Variants in ENTREP2 observed in about 807,000 individuals in gnomAD.
ENTREP2 encodes protein ENTREP2.
At chr15:29,174,843 A>T in the ENTREP2 span, among the ~76,000 whole-genome samples, 1 of 152,226 alleles carries the variant, frequency 6.6e-6, no homozygotes, top group Non-Finnish European at 1.5e-5. Context: ...TAACACACTA[A>T]AACCTTTGAC....
chr15:29,295,111 G>GA, the ENTREP2 span, among the ~76,000 whole-genome samples: 1 of 152,198 alleles, frequency 6.6e-6, no homozygotes, highest in Non-Finnish European at 1.5e-5. Flanking sequence ...CAAGAACAGT[G>GA]AAAAACCCAT....
chr15:29,375,096 T>C, the ENTREP2 span: 1 of 152,246 alleles, frequency 6.6e-6, no homozygotes, highest in Non-Finnish European at 1.5e-5. Context: ...GGTAAATTAC[T>C]TGGAAACTAT....
chr15:29,656,032 A>C, the ENTREP2 span, among the ~76,000 whole-genome samples: 1 of 151,160 alleles, frequency 6.6e-6, no homozygotes, highest in Non-Finnish European at 1.5e-5. Context: ...TAAAAAAAAA[A>C]AAAAAAAAAA....
At chr15:29,164,208 A>G in the ENTREP2 span, among the ~76,000 whole-genome samples, 1 of 152,064 alleles carries the variant, frequency 6.6e-6, no homozygotes, top group Non-Finnish European at 1.5e-5. Flanking sequence ...TCAAAACAGA[A>G]CCTCTTTAAA....
chr15:29,443,386 A>G, the ENTREP2 span, among the ~76,000 whole-genome samples: 1 of 152,160 alleles, frequency 6.6e-6, no homozygotes, highest in Non-Finnish European at 1.5e-5. Context: ...CGGCGTTCCA[A>G]AACACCAGAA....
the ENTREP2 span, among the ~76,000 whole-genome samples, chr15:29,165,773 C>T: frequency 6.6e-6 from 1 of 152,094 alleles, no homozygotes; most frequent in Non-Finnish European, 1.5e-5. Flanking sequence ...CCTTTTGACA[C>T]TATTCCACAA....
the ENTREP2 span, among the ~76,000 whole-genome samples, chr15:29,431,506 A>G: frequency 1.3e-5 from 2 of 152,048 alleles, no homozygotes; most frequent in African/African-American, 4.8e-5. Flanking sequence ...GAGACATTTT[A>G]CAGACATGCT....
the ENTREP2 span, among the ~76,000 whole-genome samples, chr15:29,155,915 T>A: frequency 6.6e-6 from 1 of 152,146 alleles, no homozygotes; most frequent in Non-Finnish European, 1.5e-5. Context: ...CGTTTTCTAA[T>A]GTTTGTAGCA....
chr15:29,624,797 G>A, the ENTREP2 span, among the ~76,000 whole-genome samples: 1 of 151,698 alleles, frequency 6.6e-6, no homozygotes, highest in African/African-American at 2.4e-5. Context: ...TGAGAGCCAA[G>A]GACCAAGAAA....
At chr15:29,135,145 G>GGTGAA in the ENTREP2 span, among the ~76,000 whole-genome samples, 3 of 149,398 alleles carry the variant, frequency 2.0e-5, no homozygotes, top group Non-Finnish European at 4.4e-5. The surrounding 1 kb of genome is among the most constrained non-coding windows in gnomAD (Gnocchi z 7.4). Context: ...GAATCTGCAA[G>GGTGAA]TCTCCCCTGC....
At chr15:29,231,891 T>C in the ENTREP2 span, among the ~76,000 whole-genome samples, 1 of 133,252 alleles carries the variant, frequency 7.5e-6, no homozygotes. Context: ...TTTTCTTTTC[T>C]TTCTTTTTTT....
chr15:29,233,715 G>A, the ENTREP2 span: 1 of 1,329,906 alleles, frequency 7.5e-7, no homozygotes, highest in Non-Finnish European at 1.1e-6. Context: ...TGCTCATCAA[G>A]TTACATGGAT....
At chr15:29,484,653 T>A in the ENTREP2 span, among the ~76,000 whole-genome samples, 1 of 152,184 alleles carries the variant, frequency 6.6e-6, no homozygotes, top group Non-Finnish European at 1.5e-5. Context: ...ACAGATTTTT[T>A]AAAGTAATCA....
At chr15:29,662,211 C>CAAAAAAAAAAAAA in the ENTREP2 span, among the ~76,000 whole-genome samples, 8 of 46,942 alleles carry the variant, frequency 1.7e-4, no homozygotes, top group Non-Finnish European at 3.0e-4. Flanking sequence ...AACCCTGTCG[C>CAAAAAAAAAAAAA]AAAAAAAAAA....
the ENTREP2 span, among the ~76,000 whole-genome samples, chr15:29,670,891 T>G: frequency 0.14 from 21,510 of 152,172 alleles, 3,031 homozygotes; most frequent in African/African-American, 0.36. Context: ...GCAGTGAGAA[T>G]AATGAATGTT....
chr15:29,451,640 G>A, the ENTREP2 span, among the ~76,000 whole-genome samples: 2 of 152,162 alleles, frequency 1.3e-5, no homozygotes, highest in Middle Eastern at 3.2e-3. Context: ...TGCCCACCAC[G>A]GGAGGGTCTT....
At chr15:29,173,875 C>A in the ENTREP2 span, among the ~76,000 whole-genome samples, 2 of 148,088 alleles carry the variant, frequency 1.4e-5, no homozygotes, top group African/African-American at 2.5e-5. Flanking sequence ...GTCTTATAAT[C>A]TTTTTATTAG....
chr15:29,614,489 T>C, the ENTREP2 span, among the ~76,000 whole-genome samples: 18 of 152,160 alleles, frequency 1.2e-4, no homozygotes, highest in Non-Finnish European at 2.5e-4. Flanking sequence ...TAGTAAGTGC[T>C]CAATAAATAT....
chr15:29,655,885 T>G, the ENTREP2 span, among the ~76,000 whole-genome samples: 55 of 151,874 alleles, frequency 3.6e-4, no homozygotes, highest in Non-Finnish European at 7.1e-4. Context: ...ATTAGCTGGG[T>G]GCAGCGGTGC....
Sources: gnomAD v4.1 joint callset for allele counts (sites outside exome capture counted in the v4.1 genomes callset) on GRCh38, gnomAD v4.1.1 for gene constraint, Gnocchi (gnomAD v3.1) non-coding constraint, MANE v1.5 for transcripts, NCBI Gene and HGNC (gene_info 2026-07-23, HGNC 2026-07-21) for gene names.